The following GABRP variants were observed in gnomAD, a reference collection of about 807,000 sequenced individuals.
The protein encoded by GABRP is gamma-aminobutyric acid receptor subunit pi.
GABRP carries 52 observed loss-of-function variants against 47.8 expected under a neutral mutation model. The ratio of observed to expected loss-of-function variants is 1.09; its 90% CI spans 0.87 to 1.37. GABRP has a LOEUF of 1.37. GABRP is among the 40% of genes most tolerant of loss of function. The probability of loss-of-function intolerance (pLI) is 0.00; values close to 1 mark genes in which losing one functional copy is unlikely to be tolerated. For synonymous variants in GABRP, 221 were observed against 205.8 expected, an observed-to-expected ratio of 1.07 and a Z score of -0.63; for missense variants, 525 against 542.8, an observed-to-expected ratio of 0.97 and a Z score of 0.33.
At chr5:170,798,319 G>A (rs1765492299) in intron 6 of GABRP, among the ~76,000 whole-genome samples, 3 of 152,196 alleles carry the variant, frequency 2.0e-5, no homozygotes, top group Admixed American at 2.0e-4. Flanking sequence ...GAGATTACAG[G>A]CGTGAGCCAC....
chr5:170,806,867 A>C (rs1561815079), intron 7 of GABRP, among the ~76,000 whole-genome samples: 1 of 151,270 alleles, frequency 6.6e-6, no homozygotes. Context: ...AGGAAAGATG[A>C]TTTTTTCTCT....
chr5:170,792,394 T>A (rs958700137), intron 3 of GABRP, among the ~76,000 whole-genome samples: 1 of 151,686 alleles, frequency 6.6e-6, no homozygotes, highest in Non-Finnish European at 1.5e-5. Context: ...GTGAGCCATA[T>A]TGCACCACTG....
At chr5:170,794,577 C>T (rs1765371739) in intron 4 of GABRP, among the ~76,000 whole-genome samples, 1 of 151,950 alleles carries the variant, frequency 6.6e-6, no homozygotes, top group African/African-American at 2.4e-5. Context: ...GGAGAGAAAC[C>T]AGGCAATGAA....
At chr5:170,793,050 C>T (rs568280331) in intron 3 of GABRP, among the ~76,000 whole-genome samples, 4 of 152,274 alleles carry the variant, frequency 2.6e-5, no homozygotes, top group South Asian at 4.1e-4. Flanking sequence ...ATGGACATGA[C>T]GCTGGGAGCT....
chr5:170,785,438 G>A (rs1765101034), intron 1 of GABRP, among the ~76,000 whole-genome samples: 1 of 152,172 alleles, frequency 6.6e-6, no homozygotes, highest in South Asian at 2.1e-4. Context: ...ACCAGACATG[G>A]CTTCTAACAA....
rs745349169 is a variant in GABRP at position 170,808,608 on chromosome 5, A to T, written c.688A>T (p.Thr230Ser). 1 of 1,613,826 alleles carries T rather than the reference A, an allele frequency of 6.2e-7. No homozygotes were observed. The highest frequency in any genetic ancestry group is 8.5e-7 in the Non-Finnish European group (1 of 1,179,876). ...GTTGTTTACCCTTTCAGGAAATTACACTAGATTGGTCTTACAGTTTGAGCT... is the reference window on the plus strand; with the variant it reads ...GTTGTTTACCCTTTCAGGAAATTACTCTAGATTGGTCTTACAGTTTGAGCT... ...TRSQQETGNY[T>S]RLVLQFELRR... The change falls in exon 8 of 10, where the codon ACT becomes TCT. Residue 230 changes from threonine (T) to serine (S), a missense_variant. Coordinates refer to ENST00000265294, the MANE Select transcript of GABRP (RefSeq NM_014211.3).
chr5:170,785,077 C>T (rs1426007629), intron 1 of GABRP, among the ~76,000 whole-genome samples: 6 of 152,336 alleles, frequency 3.9e-5, no homozygotes, highest in Admixed American at 1.3e-4. Flanking sequence ...GCCTGAGCCT[C>T]CATTGAGGCT....
At position 170,805,800 on chromosome 5, in the gene GABRP, A is replaced by C. The variant is rs1192540150; in HGVS notation, c.626A>C (p.Gln209Pro). ...GGACTGGAACACCTGCGGCTTGCTC[A>C]GTACACCATAGAGCGGTATTTCACC... ...VRGLEHLRLA[Q>P]YTIERYFTLV... The change falls in exon 7 of 10, where the codon CAG (glutamine) becomes CCG (proline). Residue 209 changes from glutamine (Q) to proline (P), a missense_variant. Gln to Pro is a moderately conservative substitution (Grantham distance 76, BLOSUM62 -1). Coordinates refer to ENST00000265294, the MANE Select transcript of GABRP (RefSeq NM_014211.3). 2 of 1,614,218 alleles carry C rather than the reference A, an allele frequency of 1.2e-6. No homozygotes were observed.
intron 6 of GABRP, among the ~76,000 whole-genome samples, chr5:170,800,408 A>T (rs1371760287): frequency 6.6e-6 from 1 of 152,212 alleles, no homozygotes; most frequent in Non-Finnish European, 1.5e-5. Flanking sequence ...AACCTAAGCA[A>T]TACCATTCAG....
chr5:170,811,168 C>T (rs1765872898), intron 9 of GABRP, among the ~76,000 whole-genome samples: 1 of 146,772 alleles, frequency 6.8e-6, no homozygotes, highest in South Asian at 2.3e-4. Flanking sequence ...AAATGTGCCA[C>T]TAATTGATGT....
Position 170,812,456 on chromosome 5 carries a change from G to A in GABRP, c.*198G>A, listed in dbSNP as rs1765915350. The A allele has an allele frequency of 1.8e-6, 1 of 562,886 alleles. No homozygotes were observed. 34.9% of individuals were successfully genotyped at this position (562,886 alleles called of 1,614,324 possible). A position where few individuals can be genotyped will look rare whatever the true frequency, so the allele number is the denominator to read the frequency against. ...AGAAGTCCTAGCATTATAGGATCTT[G>A]TAATAGAAACATCAGTCCATTCCTC... On this transcript the variant is annotated 3_prime_UTR_variant, in exon 10 of 10. Coordinates refer to ENST00000265294, the MANE Select transcript of GABRP (RefSeq NM_014211.3).
chr5:170,810,780 G>C (rs888788493), intron 9 of GABRP, among the ~76,000 whole-genome samples: 1 of 152,076 alleles, frequency 6.6e-6, no homozygotes, highest in Non-Finnish European at 1.5e-5. Flanking sequence ...TTTCCCTTGG[G>C]TTTGGCTACA....
chr5:170,803,251 T>G (rs1026436467), intron 6 of GABRP, among the ~76,000 whole-genome samples: 1 of 152,168 alleles, frequency 6.6e-6, no homozygotes, highest in Non-Finnish European at 1.5e-5. Flanking sequence ...GATACCATAC[T>G]GTGAGACTTA....
rs368998560 is a variant in GABRP, at chr5:170,789,158, T to C, written c.83T>C (p.Val28Ala). The change falls in exon 3 of 10, where the codon GTC becomes GCC. Residue 28 changes from valine (V) to alanine (A), a missense_variant. Physicochemically the swap from Val to Ala is moderately conservative, Grantham distance 64 (BLOSUM62 0). Transcript: ENST00000265294. ...RMCIQGSQFNVEVGRSDKLSL... is the reference protein window; with the variant it reads ...RMCIQGSQFNAEVGRSDKLSL... The stretch of plus-strand genomic sequence containing the variant: ...TGCATCCAGGGGAGTCAGTTCAACG[T>C]CGAGGTCGGCAGAAGTGACAAGCTT... 5.6e-6 allele frequency: 9 copies of C among 1,614,106 alleles called. No homozygotes were observed. The highest frequency in any genetic ancestry group is 7.6e-6 in the Non-Finnish European group (9 of 1,179,992).
At chr5:170,811,832 T>C (rs1046962150) in intron 9 of GABRP, 124 bp from the exon 10 acceptor site, 1 of 903,256 alleles carries the variant, frequency 1.1e-6, no homozygotes, top group Non-Finnish European at 1.7e-6. Context: ...AAGCACTCAA[T>C]GCCACTCTCT....
upstream of GABRP, among the ~76,000 whole-genome samples, chr5:170,783,403 C>T (rs1765052749): frequency 6.6e-6 from 1 of 152,060 alleles, no homozygotes; most frequent in Non-Finnish European, 1.5e-5. Flanking sequence ...TCCATTGCAC[C>T]AGGGTGGAGG....
chr5:170,784,299 G>T (rs1765073688), intron 1 of GABRP, among the ~76,000 whole-genome samples: 2 of 152,006 alleles, frequency 1.3e-5, no homozygotes, highest in Non-Finnish European at 2.9e-5. Context: ...GTGACAAGTT[G>T]GGGTTGGGGG....
At chr5:170,790,482 G>A (rs1765235400) in intron 3 of GABRP, among the ~76,000 whole-genome samples, 1 of 152,144 alleles carries the variant, frequency 6.6e-6, no homozygotes, top group African/African-American at 2.4e-5. Flanking sequence ...AGATTCATGT[G>A]GTAGTCCAGA....
In GABRP at chr5:170,812,961, C is replaced by T. The variant is rs1561817878; in HGVS notation, c.*703C>T. 6.6e-6 allele frequency: 1 copy of T among 152,222 alleles called. No individual in the cohort carries two copies. The highest frequency in any genetic ancestry group is 2.4e-5 in the African/African-American group (1 of 41,446). 9.4% of individuals were successfully genotyped at this position (152,222 alleles called of 1,614,324 possible). A position where few individuals can be genotyped will look rare whatever the true frequency, so the allele number is the denominator to read the frequency against. On this transcript the variant is annotated 3_prime_UTR_variant, in exon 10 of 10. Coordinates refer to ENST00000265294, the MANE Select transcript of GABRP (RefSeq NM_014211.3). ...CAATGGATTCCCCATACTGGAAGGACTCTGAGGCTTTATTCCCCCACTATG... is the reference window on the plus strand; with the variant it reads ...CAATGGATTCCCCATACTGGAAGGATTCTGAGGCTTTATTCCCCCACTATG...
Sources: gnomAD v4.1 joint callset for allele counts (sites outside exome capture counted in the v4.1 genomes callset) on GRCh38, gnomAD v4.1.1 for gene constraint, MANE v1.5 for transcripts, NCBI Gene and HGNC (gene_info 2026-07-23, HGNC 2026-07-21) for gene names.